TFEC: variants seen among roughly 807,000 people sequenced by gnomAD.
TFEC encodes the protein class E basic helix-loop-helix protein 34.
TFEC carries 31 observed loss-of-function variants against 41.6 expected under a neutral mutation model. That is an observed-to-expected ratio of 0.74 (90% CI 0.56 to 1.01). The LOEUF (loss-of-function observed/expected upper bound fraction) is 1.01. TFEC is among the 50% of genes least tolerant of loss of function. TFEC has a pLI of 0.00. For synonymous variants in TFEC, 143 were observed against 140.6 expected (o/e 1.02, Z -0.12); for missense variants, 402 against 404.1 (o/e 0.99, Z 0.04).
At chr7:116,157,131 A>G (rs10232544) in intron 1 of TFEC, among the ~76,000 whole-genome samples, 75,326 of 151,900 alleles carry the variant, frequency 0.5, 19,350 homozygotes, top group East Asian at 0.7. Context: ...TCCTTCTTTT[A>G]TCATATTCCC....
intron 1 of TFEC, among the ~76,000 whole-genome samples, chr7:116,120,808 T>A (rs1798093350): frequency 6.6e-6 from 1 of 151,962 alleles, no homozygotes; most frequent in African/African-American, 2.4e-5. Flanking sequence ...TGCCATTTTA[T>A]ATCTTCACTA....
At chr7:116,084,152 T>C (rs1019355789) in intron 3 of TFEC, among the ~76,000 whole-genome samples, 1 of 151,934 alleles carries the variant, frequency 6.6e-6, no homozygotes, top group African/African-American at 2.4e-5. Flanking sequence ...TTTCCCCAAC[T>C]GTGCCCAGCC....
chr7:115,963,335 G>T (rs1171840827), intron 3 of TFEC, among the ~76,000 whole-genome samples: 1 of 151,786 alleles, frequency 6.6e-6, no homozygotes, highest in Admixed American at 6.6e-5. Context: ...AGGAGTGCTG[G>T]TGGTAACGTG....
chr7:116,055,733 A>G (rs1361570744), intron 3 of TFEC, among the ~76,000 whole-genome samples: 3 of 152,076 alleles, frequency 2.0e-5, no homozygotes, highest in African/African-American at 7.2e-5. Flanking sequence ...GAATAGGTAT[A>G]ATAATTTTTT....
chr7:115,970,743 CA>C (rs962339370), intron 3 of TFEC, among the ~76,000 whole-genome samples: 2 of 151,856 alleles, frequency 1.3e-5, no homozygotes, highest in African/African-American at 4.8e-5. Context: ...TTTAAAAGAG[CA>C]TGGCAACTTC....
chr7:116,012,245 A>G (rs1378233675), intron 1 of TFEC, among the ~76,000 whole-genome samples: 1 of 152,186 alleles, frequency 6.6e-6, no homozygotes, highest in African/African-American at 2.4e-5. Context: ...TAGAGTTTAA[A>G]CATTAATATT....
At chr7:116,030,453 TC>T (rs759547106) in intron 1 of TFEC, among the ~76,000 whole-genome samples, 179 bp downstream of exon 1, 1 of 152,190 alleles carries the variant, frequency 6.6e-6, no homozygotes, top group Non-Finnish European at 1.5e-5. Flanking sequence ...AGACATATTT[TC>T]CCCAAATAAT....
At chr7:116,117,116 TA>T (rs1798007546) in intron 1 of TFEC, among the ~76,000 whole-genome samples, 1 of 151,858 alleles carries the variant, frequency 6.6e-6, no homozygotes, top group African/African-American at 2.4e-5. Flanking sequence ...ATAAATTAAT[TA>T]TGGTGGAAAC....
At chr7:116,087,643 T>C (rs540798400) in intron 3 of TFEC, among the ~76,000 whole-genome samples, 2 of 152,194 alleles carry the variant, frequency 1.3e-5, no homozygotes, top group South Asian at 4.1e-4. Context: ...TGTTTTAACA[T>C]CACCTTTGCC....
At chr7:116,054,569 G>T (rs974418783) in intron 3 of TFEC, among the ~76,000 whole-genome samples, 2 of 152,100 alleles carry the variant, frequency 1.3e-5, no homozygotes, top group African/African-American at 4.8e-5. Flanking sequence ...ACACTTAGCT[G>T]GTGAATGATG....
intron 1 of TFEC, among the ~76,000 whole-genome samples, chr7:115,994,154 T>C (rs892657311): frequency 1.3e-5 from 2 of 152,202 alleles, no homozygotes; most frequent in African/African-American, 2.4e-5. Flanking sequence ...GCTAGCCATA[T>C]GTAGAAAGCT....
chr7:115,972,614 G>A (rs569937278), intron 3 of TFEC, among the ~76,000 whole-genome samples: 6 of 152,160 alleles, frequency 3.9e-5, no homozygotes, highest in Admixed American at 3.3e-4. Context: ...TTGGTTAATT[G>A]AACTGCTTTG....
At chr7:115,980,866 C>T (rs1793601361) in intron 2 of TFEC, among the ~76,000 whole-genome samples, 2 of 151,918 alleles carry the variant, frequency 1.3e-5, no homozygotes, top group Non-Finnish European at 2.9e-5. Context: ...GACATAAAGA[C>T]TAAATGAATA....
At chr7:116,158,266 A>C (rs182127984) in intron 1 of TFEC, among the ~76,000 whole-genome samples, 1 of 152,094 alleles carries the variant, frequency 6.6e-6, no homozygotes, top group Non-Finnish European at 1.5e-5. Flanking sequence ...GAGCCTATAG[A>C]GTCTTTTTTA....
chr7:116,023,249 GC>G (rs1795466983), intron 1 of TFEC, among the ~76,000 whole-genome samples: 1 of 152,054 alleles, frequency 6.6e-6, no homozygotes, highest in African/African-American at 2.4e-5. Context: ...TTTCTGCAGT[GC>G]CACTTTGGAT....
intron 3 of TFEC, among the ~76,000 whole-genome samples, chr7:116,049,693 C>T (rs1179216237): frequency 6.6e-6 from 1 of 152,132 alleles, no homozygotes; most frequent in Non-Finnish European, 1.5e-5. Context: ...TCAGTGCCAC[C>T]TCACACTTAT....
intron 1 of TFEC, chr7:116,159,699 T>C (rs182433064): frequency 6.6e-6 from 1 of 152,270 alleles, no homozygotes; most frequent in African/African-American, 2.4e-5. Context: ...TTAAACTAAG[T>C]TGAAATTTAT....
intron 2 of TFEC, chr7:116,111,043 AT>A: frequency 4.1e-6 from 2 of 488,130 alleles, no homozygotes; most frequent in Non-Finnish European, 6.7e-6. Context: ...GGTATTTGAA[AT>A]AGAAAACAAA....
intron 2 of TFEC, among the ~76,000 whole-genome samples, chr7:115,979,294 C>T (rs1016601076): frequency 6.6e-6 from 1 of 152,144 alleles, no homozygotes. Context: ...TTACTTACTT[C>T]TTTGATGTCA....
Sources: allele counts gnomAD v4.1 joint callset (sites outside exome capture counted in the v4.1 genomes callset), GRCh38; gene constraint gnomAD v4.1.1; transcripts MANE v1.5; gene names NCBI Gene and HGNC (gene_info 2026-07-23, HGNC 2026-07-21).